TDO2: variants seen among roughly 807,000 people sequenced by gnomAD.
TDO2 encodes tryptophan 2,3-dioxygenase.
TDO2 carries 63 observed loss-of-function variants against 61.2 expected under a neutral mutation model. The ratio of observed to expected loss-of-function variants is 1.03; its 90% confidence interval spans 0.84 to 1.27. The LOEUF is 1.27. Ranked by LOEUF, TDO2 falls within the 50% of genes most tolerant of loss-of-function variation. The probability of loss-of-function intolerance (pLI) is 0.00; values close to 1 mark genes in which losing one functional copy is unlikely to be tolerated. For missense variants in TDO2, 494 were observed against 469.5 expected, an observed-to-expected ratio of 1.05 and a Z score of -0.48; for synonymous variants, 183 against 164.0, an observed-to-expected ratio of 1.12 and a Z score of -0.89.
chr4:155,903,746 G>A lies in TDO2; in HGVS notation c.-13G>A. On this transcript the variant is annotated 5_prime_UTR_variant, in exon 1 of 12. In the 5' UTR this introduces an upstream ATG that the reference lacks. Transcript: ENST00000536354. ...GTCAAACCTCCGTGCTTCTCAGACA[G>A]TGCCTTTTCACCATGAGTGGGTGCC... 6.2e-7 allele frequency: 1 copy of A among 1,614,194 alleles called. No individual in the cohort carries two copies. Among genetic ancestry groups the A allele is most frequent in the Non-Finnish European group, 8.5e-7 (1 of 1,180,016 alleles).
In TDO2 at chr4:155,907,800, C is replaced by T; in HGVS notation, c.303+8C>T. 1.9e-6 allele frequency: 3 copies of T among 1,605,680 alleles called. No individual in the cohort carries two copies. Among genetic ancestry groups the T allele is most frequent in the South Asian group, 1.1e-5 (1 of 90,250 alleles). ...ATCTTTCAGAATGGCCATGTAAGTT[C>T]TTATGTCACAATATTGGTTTCATGT... On this transcript the variant is annotated splice_region_variant and intron_variant, in intron 4 of 11. Transcript: ENST00000536354.
intron 2 of TDO2, 37 bp from the exon 3 acceptor site, chr4:155,905,030 T>G: frequency 6.9e-7 from 1 of 1,457,418 alleles, no homozygotes; most frequent in Non-Finnish European, 9.3e-7. Context: ...AACCAAGTTC[T>G]GCAATTTCAG....
intron 7 of TDO2, among the ~76,000 whole-genome samples, chr4:155,912,989 C>T (rs1742863552): frequency 1.3e-5 from 2 of 152,116 alleles, no homozygotes; most frequent in Admixed American, 1.3e-4. Flanking sequence ...TGTTTCACCA[C>T]TTCTTCAAGC....
At chr4:155,916,228 T>C (rs554579548) in intron 9 of TDO2, among the ~76,000 whole-genome samples, 15 of 134,160 alleles carry the variant, frequency 1.1e-4, no homozygotes, top group East Asian at 8.9e-4. Flanking sequence ...AGTGCAGTGG[T>C]GCAATCTCGG....
intron 3 of TDO2, chr4:155,905,831 GT>G: frequency 6.6e-6 from 1 of 152,186 alleles, no homozygotes; most frequent in East Asian, 1.9e-4. Flanking sequence ...ATCTAGATGT[GT>G]TTCCCTGCCT....
chr4:155,918,628 C>T (rs944756415), intron 11 of TDO2, among the ~76,000 whole-genome samples: 10 of 152,218 alleles, frequency 6.6e-5, no homozygotes, highest in African/African-American at 1.9e-4. Context: ...GTTAAAGTAG[C>T]GTCTTGTTTT....
chr4:155,909,151 C>A (rs1742773162), intron 5 of TDO2, 137 bp downstream of exon 5: 3 of 671,826 alleles, frequency 4.5e-6, no homozygotes, highest in South Asian at 9.1e-5. Context: ...ACTTAGGGGT[C>A]TTCGATCACA....
rs1266674199 is a variant in TDO2, at chr4:155,915,888, G to A, written c.872G>A (p.Gly291Glu). The change falls in exon 9 of 12, where the codon GGA becomes GAA. Residue 291 changes from glycine (G) to glutamate (E), a missense_variant. Physicochemically the swap from Gly to Glu is moderately conservative, Grantham distance 98. Transcript: ENST00000536354. ...ERRLSYRALQ[G>E]ALMIYFYREE... is the part of the protein sequence containing the mutation. ...CGGCTGTCATACAGAGCACTTCAGGGAGCATTGATGATATATTTTTACAGG... is the reference window on the plus strand; with the variant it reads ...CGGCTGTCATACAGAGCACTTCAGGAAGCATTGATGATATATTTTTACAGG... 4.3e-6 allele frequency: 7 copies of A among 1,610,630 alleles called. No individual in the cohort carries two copies. The South Asian group carries it at 7.8e-5, about 18-fold the overall frequency.
Position 155,911,604 on chromosome 4 carries a change from G to C in TDO2, c.726G>C (p.Gln242His). 3 of 1,521,542 alleles carry C rather than the reference G, an allele frequency of 2.0e-6. No homozygotes were observed. The highest frequency in any genetic ancestry group is 2.7e-6 in the Non-Finnish European group (3 of 1,124,320). The allele number at this position is 1,521,542 out of a possible 1,614,324, so 94.3% of individuals were successfully genotyped here. Residue 242 changes from glutamine (Q) to histidine (H), a missense_variant and splice_region_variant, in exon 7 of 12, where the codon CAG becomes CAC. Physicochemically the swap from Gln to His is conservative, Grantham distance 24. Coordinates refer to ENST00000536354, the MANE Select transcript of TDO2 (RefSeq NM_005651.4). ...RGLEEEFIRIQAKEESEEKEE... is the reference protein window; with the variant it reads ...RGLEEEFIRIHAKEESEEKEE... ...TGGAAGAGGAATTCATAAGGATTCA[G>C]GTATTTAGATGACATGAGTTAATAT...
In TDO2 at chr4:155,917,427, T is replaced by G. The variant is rs1448559940; in HGVS notation, c.929T>G (p.Leu310Trp). ...CCTAGGTTCCAGGTGCCTTTTCAGT[T>G]GCTGACTTCTCTTATGGACATAGAT... ...EEPRFQVPFQ[L>W]LTSLMDIDSL... The change falls in exon 10 of 12, where the codon TTG becomes TGG. Residue 310 changes from leucine (L) to tryptophan (W), a missense_variant. Physicochemically the swap from Leu to Trp is moderately conservative, Grantham distance 61 (BLOSUM62 -2). Coordinates refer to ENST00000536354, the MANE Select transcript of TDO2 (RefSeq NM_005651.4). The G allele has an allele frequency of 1.2e-6, 2 of 1,611,648 alleles. No individual in the cohort carries two copies. Among genetic ancestry groups the G allele is most frequent in the African/African-American group, 2.7e-5 (2 of 74,772 alleles).
intron 6 of TDO2, 107 bp from the exon 7 acceptor site, chr4:155,911,390 T>G: frequency 1.4e-6 from 1 of 702,714 alleles, no homozygotes; most frequent in Non-Finnish European, 2.3e-6. Flanking sequence ...GTAGCATATG[T>G]TTCTGGAAAC....
intron 11 of TDO2, among the ~76,000 whole-genome samples, chr4:155,919,597 C>T (rs910288682): frequency 6.6e-6 from 1 of 152,004 alleles, no homozygotes; most frequent in African/African-American, 2.4e-5. Context: ...AGGAAACACC[C>T]TGTTCTAAAA....
chr4:155,920,033 A>T lies in TDO2; in HGVS notation c.*43A>T, dbSNP rs1277559794. On this transcript the variant is annotated 3_prime_UTR_variant, in exon 12 of 12. Coordinates refer to ENST00000536354, the MANE Select transcript of TDO2 (RefSeq NM_005651.4). ...ATGAAGAATACTGGTTTCACAGCCT[A>T]TTTTTTATTTTCTATGGATTTTCAT... is the stretch of plus-strand genomic sequence containing the variant. 1 of 1,576,802 alleles carries T rather than the reference A, an allele frequency of 6.3e-7. No homozygotes were observed. Among genetic ancestry groups the T allele is most frequent in the East Asian group, 2.2e-5 (1 of 44,484 alleles).
At position 155,915,881 on chromosome 4, in the gene TDO2, C is replaced by A. The variant is rs371392643; in HGVS notation, c.865C>A (p.Leu289Ile). The change falls in exon 9 of 12, where the codon CTT becomes ATT. Residue 289 changes from leucine to isoleucine, a missense_variant. Physicochemically the swap from Leu to Ile is conservative, Grantham distance 5. Transcript: ENST00000536354. Reference sequence around the variant, plus strand: ...TGAAAGACGGCTGTCATACAGAGCACTTCAGGGAGCATTGATGATATATTT... The same window carrying A: ...TGAAAGACGGCTGTCATACAGAGCAATTCAGGGAGCATTGATGATATATTT... ...KGERRLSYRA[L>I]QGALMIYFYR... 27 of 1,610,860 alleles carry A rather than the reference C, an allele frequency of 1.7e-5. 1 individual carries two copies. In the African/African-American group the frequency reaches 3.6e-4, roughly 22 times the overall value.
chr4:155,903,876 C>T (rs1200668334), intron 1 of TDO2, 83 bp downstream of exon 1: 3 of 1,558,552 alleles, frequency 1.9e-6, no homozygotes, highest in African/African-American at 2.7e-5. Flanking sequence ...ATTTAAGGAG[C>T]ATTGAAAACT....
chr4:155,910,852 A>G (rs1742816129), intron 6 of TDO2, among the ~76,000 whole-genome samples: 1 of 152,088 alleles, frequency 6.6e-6, no homozygotes, highest in African/African-American at 2.4e-5. Flanking sequence ...AGGTTAATGT[A>G]TTATATATAA....
chr4:155,909,018 T>G lies in TDO2; in HGVS notation c.431+4T>G. The G allele has an allele frequency of 6.3e-7, 1 of 1,591,912 alleles. No individual in the cohort carries two copies. Among genetic ancestry groups the G allele is most frequent in the Non-Finnish European group, 8.5e-7 (1 of 1,171,386 alleles). ...CCTTGGACTTCAATGACTTCAGGTG[T>G]GCACATTTGGCATTTTAAAAAATGT... On this transcript the variant is annotated splice_donor_region_variant and intron_variant, in intron 5 of 11. Coordinates refer to ENST00000536354, the MANE Select transcript of TDO2 (RefSeq NM_005651.4).
At chr4:155,916,472 A>C (rs1742939942) in intron 9 of TDO2, among the ~76,000 whole-genome samples, 1 of 150,442 alleles carries the variant, frequency 6.6e-6, no homozygotes, top group South Asian at 2.1e-4. Context: ...ATGTAACACT[A>C]AGTGTCCTAA....
In TDO2 at chr4:155,915,973, C is replaced by T. The variant is rs1489712176; in HGVS notation, c.896+61C>T. On this transcript the variant is annotated intron_variant, in intron 9 of 11. Coordinates refer to ENST00000536354, the MANE Select transcript of TDO2 (RefSeq NM_005651.4). Reference sequence around the variant, plus strand: ...TGAGGGGTGGATATGGATAACATGTCCAGTATAAAGCCTAAAAATTACAAT... The same window carrying T: ...TGAGGGGTGGATATGGATAACATGTTCAGTATAAAGCCTAAAAATTACAAT... 1.3e-5 allele frequency: 18 copies of T among 1,407,886 alleles called. No homozygotes were observed. In the South Asian group the frequency reaches 1.8e-4, roughly 14 times the overall value. The allele number at this position is 1,407,886 out of a possible 1,614,324, so 87.2% of individuals were successfully genotyped here. A position where few individuals can be genotyped will look rare whatever the true frequency, so the allele number is the denominator to read the frequency against.
Sources: gnomAD v4.1 joint callset for allele counts (sites outside exome capture counted in the v4.1 genomes callset) on GRCh38, gnomAD v4.1.1 for gene constraint, MANE v1.5 for transcripts, NCBI Gene and HGNC (gene_info 2026-07-23, HGNC 2026-07-21) for gene names.